RARS2: variants seen among roughly 807,000 people sequenced by gnomAD.
RARS2 encodes arginyl-tRNA synthetase 2, mitochondrial, also known as probable arginine--tRNA ligase, mitochondrial.
A neutral mutation model predicts 88.5 loss-of-function variants in RARS2; 67 were observed. The ratio of observed to expected loss-of-function variants is 0.76; its 90% CI spans 0.62 to 0.93. The LOEUF is 0.93. RARS2 is among the 40% of genes least tolerant of loss of function. The pLI is 0.00. For synonymous variants in RARS2, 239 were observed against 230.3 expected (o/e 1.04, Z -0.34); for missense variants, 664 against 684.2 (o/e 0.97, Z 0.33).
intron 12 of RARS2, among the ~76,000 whole-genome samples, chr6:87,520,887 T>C (rs1030124760): frequency 6.6e-6 from 1 of 152,212 alleles, no homozygotes; most frequent in African/African-American, 2.4e-5. Context: ...ACGAGGGAGT[T>C]TGTTTTGTGA....
intron 8 of RARS2, among the ~76,000 whole-genome samples, chr6:87,532,969 A>G (rs139279653): frequency 1.3e-3 from 194 of 152,340 alleles, no homozygotes; most frequent in African/African-American, 3.9e-3. Flanking sequence ...GGTCCAGTAT[A>G]CAGATGTTAA....
chr6:87,562,493 A>T (rs1788148480), intron 4 of RARS2, among the ~76,000 whole-genome samples: 1 of 152,212 alleles, frequency 6.6e-6, no homozygotes, highest in Non-Finnish European at 1.5e-5. Flanking sequence ...ATATAAATGA[A>T]GGGGTCAGAA....
At chr6:87,569,650 G>C in intron 1 of RARS2, 60 bp from the exon 2 acceptor site, 2 of 1,286,326 alleles carry the variant, frequency 1.6e-6, no homozygotes, top group Non-Finnish European at 1.1e-6. Flanking sequence ...CCATTCAATG[G>C]AATACCACTT....
chr6:87,561,451 G>A (rs1007488568), intron 4 of RARS2, among the ~76,000 whole-genome samples: 1 of 152,158 alleles, frequency 6.6e-6, no homozygotes, highest in Admixed American at 6.5e-5. Flanking sequence ...TGTAACTGCT[G>A]CCTATCAAAG....
intron 12 of RARS2, among the ~76,000 whole-genome samples, chr6:87,520,551 G>C (rs1773510374): frequency 6.6e-6 from 1 of 152,056 alleles, no homozygotes; most frequent in Non-Finnish European, 1.5e-5. Context: ...CCTGGTCTCT[G>C]AGACCAAAGC....
At chr6:87,519,184 A>ATGTGTG (rs374177464) in intron 14 of RARS2, 2,911 of 224,362 alleles carry the variant, frequency 0.013, 62 homozygotes, top group African/African-American at 0.051. Flanking sequence ...ATAAATATAT[A>ATGTGTG]TGTGTGTGTG....
intron 8 of RARS2, among the ~76,000 whole-genome samples, chr6:87,533,111 T>TC (rs1287571459): frequency 6.6e-6 from 1 of 152,172 alleles, no homozygotes; most frequent in Non-Finnish European, 1.5e-5. Context: ...CTTTTTTTTT[T>TC]CATAAAGCCT....
chr6:87,546,493 G>T (rs1782671168), intron 6 of RARS2, among the ~76,000 whole-genome samples: 1 of 152,134 alleles, frequency 6.6e-6, no homozygotes, highest in African/African-American at 2.4e-5. Context: ...AGTATATGGG[G>T]CTGCCTCTTA....
At position 87,562,327 on chromosome 6, in the gene RARS2, T is replaced by C. The variant is rs565555063; in HGVS notation, c.297+375A>G. Among the ~76,000 whole-genome samples, 10 of 152,312 alleles carry C rather than the reference T, an allele frequency of 6.6e-5. No individual in the cohort carries two copies. In the South Asian group the frequency reaches 1.9e-3, roughly 28 times the overall value. ...CAGCATGTCACTGTACTGAATATTG[T>C]ATGCAACTGTATCATAATAGTGTCT... On this transcript the variant is annotated intron_variant, in intron 4 of 19. Coordinates refer to ENST00000369536, the MANE Select transcript of RARS2 (RefSeq NM_020320.5).
At chr6:87,538,564 C>T (rs1364320900) in intron 8 of RARS2, among the ~76,000 whole-genome samples, 1 of 152,106 alleles carries the variant, frequency 6.6e-6, no homozygotes, top group Non-Finnish European at 1.5e-5. Flanking sequence ...GCCTCAGCAA[C>T]AGTGAGACTT....
chr6:87,528,976 T>C (rs1168846347), intron 10 of RARS2, among the ~76,000 whole-genome samples: 1 of 152,182 alleles, frequency 6.6e-6, no homozygotes, highest in Non-Finnish European at 1.5e-5. Flanking sequence ...ACACCATAAA[T>C]ATATACAATA....
intron 1 of RARS2, among the ~76,000 whole-genome samples, chr6:87,578,113 C>CA (rs1035668686): frequency 6.7e-6 from 1 of 148,692 alleles, no homozygotes; most frequent in African/African-American, 2.5e-5. Context: ...CGAGACCCCC[C>CA]CCCCCGCCAT....
intron 4 of RARS2, among the ~76,000 whole-genome samples, chr6:87,556,790 C>A (rs1172558899): frequency 3.9e-3 from 303 of 76,920 alleles, no homozygotes; most frequent in Middle Eastern, 0.019. Context: ...GACTCTGTCT[C>A]AAAAAAAAAA....
In RARS2 at chr6:87,524,578, C is replaced by T. The variant is rs765044856; in HGVS notation, c.953G>A (p.Gly318Glu). The T allele has an allele frequency of 8.1e-6, 13 of 1,612,182 alleles. 1 individual carries two copies. The South Asian group carries it at 1.3e-4, about 16-fold the overall frequency. The change falls in exon 11 of 20, where the codon GGG becomes GAG. Residue 318 changes from glycine to glutamate, a missense_variant. Gly to Glu is a moderately conservative substitution (Grantham distance 98). Transcript: ENST00000369536. ...AAACCTGGTTGCATAGAGAGAAGTC[C>T]CATCACTTCGCATTACAGTACAAAT... ...SSICTVMRSD[G>E]TSLYATRDLA...
intron 14 of RARS2, 57 bp from the exon 15 acceptor site, chr6:87,518,948 T>C (rs1772775401): frequency 7.7e-6 from 12 of 1,556,006 alleles, no homozygotes; most frequent in Non-Finnish European, 1.1e-5. Context: ...CAATCATGGA[T>C]CCAAGTGAAG....
rs544587068 is a variant in RARS2, at chr6:87,575,595, A to G, written c.37-6005T>C. On this transcript the variant is annotated intron_variant, in intron 1 of 19. Transcript: ENST00000369536. ...ATAAGTGAATGGAAGCACACACAAA[A>G]CTGTTTACACCTGTGTAAATAGTTG... Among the ~76,000 whole-genome samples, 42 of 152,172 alleles carry G rather than the reference A, an allele frequency of 2.8e-4. 1 individual carries two copies. Among genetic ancestry groups the G allele is most frequent in the Middle Eastern group, 3.4e-3 (1 of 294 alleles).
chr6:87,555,684 T>C (rs1785647280), intron 4 of RARS2, among the ~76,000 whole-genome samples, 179 bp from the exon 5 acceptor site: 1 of 152,228 alleles, frequency 6.6e-6, no homozygotes, highest in Non-Finnish European at 1.5e-5. Flanking sequence ...CTAGTCATAG[T>C]AGTAACATGA....
chr6:87,552,203 G>T (rs867917730), intron 5 of RARS2, among the ~76,000 whole-genome samples: 6 of 152,128 alleles, frequency 3.9e-5, no homozygotes, highest in Admixed American at 1.3e-4. Context: ...GAGCACAGTG[G>T]TATCTCTTGT....
In RARS2 at chr6:87,518,753, G is replaced by GATT. The variant is rs1772698092; in HGVS notation, c.1306-15_1306-14insAAT. The GATT allele has an allele frequency of 6.2e-7, 1 of 1,612,962 alleles. No homozygotes were observed. Among genetic ancestry groups the GATT allele is most frequent in the Middle Eastern group, 1.7e-4 (1 of 6,060 alleles). ...ACCTTTGAAGTCCTAAAACGACAGA[G>GATT]GAAATCTTCACTGCTGGGATTTGCT... On this transcript the variant is annotated splice_polypyrimidine_tract_variant and intron_variant, in intron 15 of 19. Coordinates refer to ENST00000369536, the MANE Select transcript of RARS2 (RefSeq NM_020320.5).
Sources: gnomAD v4.1 joint callset for allele counts (sites outside exome capture counted in the v4.1 genomes callset) on GRCh38, gnomAD v4.1.1 for gene constraint, MANE v1.5 for transcripts, NCBI Gene and HGNC (gene_info 2026-07-23, HGNC 2026-07-21) for gene names.